The following BOLL variants were observed in gnomAD, a reference collection of about 807,000 sequenced individuals.
BOLL encodes boule RNA binding protein.
A neutral mutation model predicts 44.4 loss-of-function variants in BOLL; 23 were observed. The ratio of observed to expected loss-of-function variants is 0.52; its 90% confidence interval spans 0.37 to 0.73. The LOEUF (loss-of-function observed/expected upper bound fraction) is 0.73. Ranked by LOEUF, BOLL falls within the 30% of genes least tolerant of loss-of-function variation. The probability of loss-of-function intolerance (pLI) is 0.00; values close to 1 mark genes in which losing one functional copy is unlikely to be tolerated. For synonymous variants in BOLL, 97 were observed against 110.8 expected (o/e 0.88, Z 0.78); for missense variants, 287 against 338.3 (o/e 0.85, Z 1.19).
In BOLL at chr2:197,756,424, A is replaced by G; in HGVS notation, c.729+4T>C. Reference sequence around the variant, plus strand: ...AGATCAATTACTTTAAGACTAATACATACCTCTGGAACTGAAGTTTCCATC... The same window carrying G: ...AGATCAATTACTTTAAGACTAATACGTACCTCTGGAACTGAAGTTTCCATC... On this transcript the variant is annotated splice_donor_region_variant and intron_variant, in intron 9 of 10. Coordinates refer to ENST00000392296, the MANE Select transcript of BOLL (RefSeq NM_033030.6). 6.2e-7 allele frequency: 1 copy of G among 1,602,420 alleles called. No homozygotes were observed. Among genetic ancestry groups the G allele is most frequent in the Non-Finnish European group, 8.5e-7 (1 of 1,174,356 alleles).
chr2:197,744,139 C>T (rs970489422), intron 9 of BOLL, among the ~76,000 whole-genome samples: 25 of 152,182 alleles, frequency 1.6e-4, no homozygotes, highest in Non-Finnish European at 4.4e-5. Context: ...GTCTTCAAAA[C>T]CCAGTATGTA....
chr2:197,763,783 C>G (rs1276694940), intron 7 of BOLL, among the ~76,000 whole-genome samples: 2 of 152,240 alleles, frequency 1.3e-5, no homozygotes, highest in East Asian at 3.9e-4. Context: ...CTGTAAACTA[C>G]TTATCTGACA....
intron 6 of BOLL, among the ~76,000 whole-genome samples, chr2:197,768,934 C>T (rs1376814087): frequency 2.0e-5 from 3 of 150,948 alleles, no homozygotes; most frequent in African/African-American, 4.9e-5. Flanking sequence ...TGGTTTTTGT[C>T]GTTGGGTCTG....
chr2:197,756,673 A>C lies in BOLL; in HGVS notation c.601-117T>G. 3 of 956,516 alleles carry C rather than the reference A, an allele frequency of 3.1e-6. No individual in the cohort carries two copies. The South Asian group carries it at 6.0e-5, about 19-fold the overall frequency. 59.3% of individuals were successfully genotyped at this position (956,516 alleles called of 1,614,324 possible). ...TTTTTATTTTACTAAATTTTTTTTT[A>C]GGAATAGCACAGAAGTATCTCAGCA... On this transcript the variant is annotated intron_variant, in intron 8 of 10. Transcript: ENST00000392296.
chr2:197,772,682 C>A (rs562800224), intron 5 of BOLL, among the ~76,000 whole-genome samples: 27 of 151,964 alleles, frequency 1.8e-4, no homozygotes, highest in Non-Finnish European at 3.8e-4. Flanking sequence ...AAACCCCCAC[C>A]ACAAACCAAA....
intron 7 of BOLL, among the ~76,000 whole-genome samples, chr2:197,760,242 C>G (rs1394952707): frequency 6.6e-6 from 1 of 152,226 alleles, no homozygotes; most frequent in African/African-American, 2.4e-5. Context: ...CTCCGTGGGC[C>G]ACCCCCAGCA....
At chr2:197,776,816 G>A (rs1053596083) in intron 4 of BOLL, among the ~76,000 whole-genome samples, 2 of 151,822 alleles carry the variant, frequency 1.3e-5, no homozygotes, top group African/African-American at 2.4e-5. Flanking sequence ...CTTCGCAAAA[G>A]ATATATCCCC....
intron 1 of BOLL, 33 bp from the exon 2 acceptor site, chr2:197,781,898 C>T: frequency 1.3e-6 from 2 of 1,565,328 alleles, no homozygotes; most frequent in Non-Finnish European, 8.7e-7. Flanking sequence ...ACTTTTTGCA[C>T]TGGGTATAAT....
chr2:197,757,395 G>T lies in BOLL; in HGVS notation c.558C>A (p.Thr186=). Reference sequence around the variant, plus strand: ...GCCACTGTCCTGGTAAATACTGTGTGGTGGCCTAAAATTAAATAAAAGAAA... The same window carrying T: ...GCCACTGTCCTGGTAAATACTGTGTTGTGGCCTAAAATTAAATAAAAGAAA... ...YQQPAYHYQA[T]TQYLPGQWQW... is the part of the protein sequence containing the mutation. The change falls in exon 8 of 11, where the codon ACC becomes ACA. Residue 186 remains threonine (T), a synonymous_variant. Transcript: ENST00000392296. 6.2e-7 allele frequency: 1 copy of T among 1,608,202 alleles called. No individual in the cohort carries two copies. The highest frequency in any genetic ancestry group is 8.5e-7 in the Non-Finnish European group (1 of 1,177,692).
chr2:197,747,162 T>G (rs1464717978), intron 9 of BOLL, among the ~76,000 whole-genome samples: 1 of 152,124 alleles, frequency 6.6e-6, no homozygotes, highest in African/African-American at 2.4e-5. Context: ...TTAGCTTGAT[T>G]GGGGTAATCA....
intron 9 of BOLL, chr2:197,755,974 G>A (rs1340970565): frequency 6.6e-6 from 1 of 152,148 alleles, no homozygotes. Context: ...ATAAGTAACG[G>A]ATCAGAAATA....
chr2:197,729,645 G>C (rs565537813), intron 10 of BOLL, among the ~76,000 whole-genome samples: 1 of 152,170 alleles, frequency 6.6e-6, no homozygotes, highest in African/African-American at 2.4e-5. Context: ...CCTCAAGTGG[G>C]TCCCTGACCC....
chr2:197,753,548 C>G (rs1054537676), intron 9 of BOLL, among the ~76,000 whole-genome samples: 2 of 152,166 alleles, frequency 1.3e-5, no homozygotes, highest in Non-Finnish European at 2.9e-5. Context: ...CTCATCATCA[C>G]TGGTCATTAG....
intron 2 of BOLL, among the ~76,000 whole-genome samples, chr2:197,779,983 T>C (rs1392957758): frequency 6.6e-6 from 1 of 152,042 alleles, no homozygotes; most frequent in Non-Finnish European, 1.5e-5. Flanking sequence ...TGGTTTTTAG[T>C]TGGTAACATA....
At chr2:197,767,968 C>G (rs990142469) in intron 6 of BOLL, among the ~76,000 whole-genome samples, 5 of 151,550 alleles carry the variant, frequency 3.3e-5, no homozygotes, top group African/African-American at 1.2e-4. Flanking sequence ...TGCAAAAACT[C>G]CAGGAAAAAA....
At chr2:197,728,852 G>A (rs1368127258) in intron 10 of BOLL, among the ~76,000 whole-genome samples, 1 of 152,212 alleles carries the variant, frequency 6.6e-6, no homozygotes, top group African/African-American at 2.4e-5. Flanking sequence ...TGAGGGATGG[G>A]TCAGCACAGA....
chr2:197,782,590 G>A (rs1201603651), intron 1 of BOLL, among the ~76,000 whole-genome samples: 4 of 152,108 alleles, frequency 2.6e-5, no homozygotes, highest in South Asian at 2.1e-4. Context: ...TCTAGAAATT[G>A]CTCAACAGAA....
At chr2:197,758,167 T>A (rs1430624984) in intron 7 of BOLL, among the ~76,000 whole-genome samples, 1 of 152,118 alleles carries the variant, frequency 6.6e-6, no homozygotes, top group African/African-American at 2.4e-5. Context: ...CTAAGAGAAA[T>A]AAAAATATGT....
chr2:197,759,050 C>T (rs1321005889), intron 7 of BOLL: 11 of 1,447,414 alleles, frequency 7.6e-6, no homozygotes, highest in Non-Finnish European at 1.0e-5. Flanking sequence ...GATGGCTGAC[C>T]AGAGATGCCT....
Sources: gnomAD v4.1 joint callset for allele counts (sites outside exome capture counted in the v4.1 genomes callset) on GRCh38, gnomAD v4.1.1 for gene constraint, MANE v1.5 for transcripts, NCBI Gene and HGNC (gene_info 2026-07-23, HGNC 2026-07-21) for gene names.